Variants in PLXNA4 observed in about 807,000 individuals in gnomAD.
PLXNA4 encodes the protein plexin-A4.
Under a neutral mutation model 191.8 loss-of-function variants are expected in PLXNA4, and 44 were observed. The observed-to-expected ratio is 0.23, with a 90% confidence interval of 0.18 to 0.29. PLXNA4 has a LOEUF of 0.29. PLXNA4 is among the 10% of genes least tolerant of loss of function. The probability of loss-of-function intolerance (pLI) is 1.00; values close to 1 mark genes in which losing one functional copy is unlikely to be tolerated. For synonymous variants in PLXNA4, 1,082 were observed against 1,009.5 expected (o/e 1.07, Z -1.36); for missense variants, 1,800 against 2,488.8 (o/e 0.72, Z 5.89).
intron 12 of PLXNA4, among the ~76,000 whole-genome samples, chr7:132,199,897 G>C (rs1797377415): frequency 1.3e-5 from 2 of 152,218 alleles, no homozygotes; most frequent in Admixed American, 1.3e-4. Context: ...GTGAGCCTGT[G>C]CATAAGTATA....
intron 10 of PLXNA4, among the ~76,000 whole-genome samples, chr7:132,210,157 A>C (rs1227273348): frequency 6.6e-6 from 1 of 152,228 alleles, no homozygotes; most frequent in Middle Eastern, 3.2e-3. Context: ...TTCTGAATCT[A>C]TGTGTCTAGT....
chr7:132,417,628 T>G (rs1794702722), intron 3 of PLXNA4, among the ~76,000 whole-genome samples: 1 of 146,938 alleles, frequency 6.8e-6, no homozygotes, highest in African/African-American at 2.5e-5. Context: ...AATGAATGAA[T>G]GTATATATGT....
intron 2 of PLXNA4, among the ~76,000 whole-genome samples, chr7:132,600,758 C>T (rs761719675): frequency 2.0e-5 from 3 of 152,100 alleles, no homozygotes; most frequent in Non-Finnish European, 2.9e-5. Context: ...ATTCATAACA[C>T]TCTTATTATT....
intron 2 of PLXNA4, among the ~76,000 whole-genome samples, chr7:132,583,323 G>A (rs1043615396): frequency 6.6e-6 from 1 of 152,196 alleles, no homozygotes; most frequent in East Asian, 1.9e-4. Context: ...GGGCAGGAGG[G>A]AGGCCCAAGG....
intron 4 of PLXNA4, among the ~76,000 whole-genome samples, chr7:132,249,882 AGCCCCAC>A (rs988214693): frequency 2.0e-5 from 3 of 152,232 alleles, no homozygotes; most frequent in African/African-American, 7.2e-5. Flanking sequence ...GGGGCTGAGG[AGCCCCAC>A]CTACGGGCAG....
rs181849659 is a variant in PLXNA4, at chr7:132,421,738, T to C, written c.1371+67554A>G. On this transcript the variant is annotated intron_variant, in intron 3 of 31. Transcript: ENST00000321063. Reference sequence around the variant, plus strand: ...TAATTATTATTATTATCCCAATTAATAATGTTTTCCAGGGTCACAGTCTGG... The same window carrying C: ...TAATTATTATTATTATCCCAATTAACAATGTTTTCCAGGGTCACAGTCTGG... 9.8e-5 allele frequency among the ~76,000 whole-genome samples: 15 copies of C among 152,318 alleles called. No individual in the cohort carries two copies. The East Asian group carries it at 2.9e-3, about 29-fold the overall frequency.
chr7:132,333,245 G>T (rs1802666586), intron 3 of PLXNA4, among the ~76,000 whole-genome samples: 1 of 152,196 alleles, frequency 6.6e-6, no homozygotes, highest in African/African-American at 2.4e-5. Context: ...GTGGGAAGGG[G>T]TCTCCACAAC....
At chr7:132,185,532 C>A in intron 15 of PLXNA4, 69 bp from the exon 16 acceptor site, 1 of 1,534,842 alleles carries the variant, frequency 6.5e-7, no homozygotes, top group Non-Finnish European at 8.8e-7. Flanking sequence ...AGTCAAGGCC[C>A]TCCCACACCG....
intron 2 of PLXNA4, among the ~76,000 whole-genome samples, chr7:132,498,716 T>C (rs1232583544): frequency 6.6e-6 from 1 of 152,174 alleles, no homozygotes; most frequent in Non-Finnish European, 1.5e-5. Context: ...GTGGGGACTA[T>C]CATATGGCCC....
At chr7:132,309,730 T>A (rs1026609092) in intron 3 of PLXNA4, among the ~76,000 whole-genome samples, 1 of 152,166 alleles carries the variant, frequency 6.6e-6, no homozygotes, top group Non-Finnish European at 1.5e-5. Flanking sequence ...CCTGTCTAGC[T>A]GGAGGCCCAA....
chr7:132,341,068 G>A (rs1181930870), intron 3 of PLXNA4, among the ~76,000 whole-genome samples: 4 of 152,150 alleles, frequency 2.6e-5, no homozygotes, highest in Non-Finnish European at 5.9e-5. Flanking sequence ...AACATTTCGA[G>A]GGGCATGAGG....
chr7:132,283,949 A>C (rs753694380), intron 4 of PLXNA4, among the ~76,000 whole-genome samples: 1 of 152,228 alleles, frequency 6.6e-6, no homozygotes, highest in Non-Finnish European at 1.5e-5. Flanking sequence ...CCAAGGCAGG[A>C]GGATCACTTA....
intron 3 of PLXNA4, among the ~76,000 whole-genome samples, chr7:132,447,942 C>A (rs1795973193): frequency 6.6e-6 from 1 of 152,112 alleles, no homozygotes; most frequent in African/African-American, 2.4e-5. Context: ...ACCCAGGAGA[C>A]AGAGGTTGCA....
intron 3 of PLXNA4, among the ~76,000 whole-genome samples, chr7:132,459,123 G>A (rs934825382): frequency 2.6e-5 from 4 of 152,144 alleles, no homozygotes; most frequent in Admixed American, 1.3e-4. Flanking sequence ...CAGAGCCCGC[G>A]CTCTTCCTCC....
chr7:132,562,936 T>TCCTCTCCCTCCTCCG (rs1801324543), intron 1 of PLXNA4, among the ~76,000 whole-genome samples: 1 of 99,052 alleles, frequency 1.0e-5, no homozygotes, highest in Non-Finnish European at 2.0e-5. Context: ...CTCTCCCTCC[T>TCCTCTCCCTCCTCCG]CCTCTCCCTC....
At position 132,508,019 on chromosome 7, in the gene PLXNA4, C is replaced by T. The variant is rs745737535; in HGVS notation, c.675G>A (p.Ser225=). 7 of 1,614,210 alleles carry T rather than the reference C, an allele frequency of 4.3e-6. No individual in the cohort carries two copies. In the Admixed American group the frequency reaches 5.0e-5, roughly 12 times the overall value. ...AGGTGTCCGAAGGGATCTTAATCAT[C>T]GAGGCCACGAACTCATCATGGAAGA... The part of the protein sequence containing the change: ...AYVFHDEFVA[S]MIKIPSDTFT... The change falls in exon 2 of 32, where the codon TCG becomes TCA. Residue 225 remains serine (S), a synonymous_variant. Transcript: ENST00000321063. The surrounding 1 kb of genome is among the most constrained non-coding windows in gnomAD (Gnocchi z 4.4).
intron 3 of PLXNA4, among the ~76,000 whole-genome samples, chr7:132,405,401 C>T (rs1794179946): frequency 3.3e-5 from 5 of 152,190 alleles, no homozygotes. Context: ...CCACGAGATG[C>T]TGAGCCAGCC....
intron 1 of PLXNA4, among the ~76,000 whole-genome samples, chr7:132,563,699 TCC>T: frequency 9.1e-6 from 1 of 109,984 alleles, no homozygotes; most frequent in Non-Finnish European, 1.9e-5. Context: ...CTCCTCCTTC[TCC>T]TCCTCCTCCT....
chr7:132,369,493 G>C (rs1804337084), intron 3 of PLXNA4, among the ~76,000 whole-genome samples: 1 of 152,092 alleles, frequency 6.6e-6, no homozygotes, highest in African/African-American at 2.4e-5. Context: ...GCTTGCACTG[G>C]CTTGGCTAAT....
Sources: allele counts gnomAD v4.1 joint callset (sites outside exome capture counted in the v4.1 genomes callset), GRCh38; gene constraint gnomAD v4.1.1; non-coding constraint Gnocchi (gnomAD v3.1); transcripts MANE v1.5; gene names NCBI Gene and HGNC (gene_info 2026-07-23, HGNC 2026-07-21).